The following DEFB125 variants were observed in gnomAD, a reference collection of about 807,000 sequenced individuals.
DEFB125 encodes defensin beta 125, also known as beta-defensin 125.
In DEFB125, 11 loss-of-function variants were observed where a neutral mutation model predicts 11.8. The ratio of observed to expected loss-of-function variants is 0.94; its 90% CI spans 0.59 to 1.55. The LOEUF (loss-of-function observed/expected upper bound fraction) is 1.55, where lower values mean the gene tolerates loss of function less well. Ranked by LOEUF, DEFB125 falls within the 40% of genes most tolerant of loss-of-function variation. DEFB125 has a pLI of 0.00. For missense variants in DEFB125, 198 were observed against 191.2 expected, an observed-to-expected ratio of 1.04 and a Z score of -0.21; for synonymous variants, 79 against 66.7, an observed-to-expected ratio of 1.18 and a Z score of -0.90.
At chr20:92,887 G>T (rs2054501528) in intron 1 of DEFB125, among the ~76,000 whole-genome samples, 4 of 151,666 alleles carry the variant, frequency 2.6e-5, no homozygotes, top group African/African-American at 7.3e-5. Context: ...TCCATCTAAA[G>T]ATCAGTCTGC....
chr20:88,380 G>A (rs2054483959), intron 1 of DEFB125, among the ~76,000 whole-genome samples: 1 of 152,084 alleles, frequency 6.6e-6, no homozygotes, highest in African/African-American at 2.4e-5. Context: ...ATTTAATAAT[G>A]CTACTTTTGA....
intron 1 of DEFB125, among the ~76,000 whole-genome samples, chr20:88,963 C>T (rs1352202879): frequency 6.6e-6 from 1 of 152,048 alleles, no homozygotes; most frequent in East Asian, 1.9e-4. Context: ...GTGTCAGCTT[C>T]CCACACCCTC....
intron 1 of DEFB125, 33 bp downstream of exon 1, chr20:87,800 T>C: frequency 6.2e-7 from 1 of 1,609,102 alleles, no homozygotes; most frequent in African/African-American, 1.3e-5. Context: ...AGATGATGAC[T>C]AGGATGAGTT....
intron 1 of DEFB125, among the ~76,000 whole-genome samples, chr20:90,409 A>AG: frequency 6.6e-6 from 1 of 152,302 alleles, no homozygotes; most frequent in Non-Finnish European, 1.5e-5. Context: ...ATCTGCCTGC[A>AG]AATTATATCC....
intron 1 of DEFB125, among the ~76,000 whole-genome samples, chr20:88,008 G>T (rs956046408): frequency 6.6e-6 from 1 of 152,128 alleles, no homozygotes. Context: ...TTTCCTTAAT[G>T]CTCTGAGCCA....
At chr20:91,149 ATTTGTT>A (rs2054494725) in intron 1 of DEFB125, among the ~76,000 whole-genome samples, 1 of 152,040 alleles carries the variant, frequency 6.6e-6, no homozygotes, top group South Asian at 2.1e-4. Flanking sequence ...AAATCAGATT[ATTTGTT>A]TTTGTTTGCT....
Position 96,647 on chromosome 20 carries a change from A to T in DEFB125, c.*230A>T. ...ACAAGGATTCTCTTAATTGGACTTA[A>T]ATTCTTTATCTGTCTTCCTCCGATG... On this transcript the variant is annotated 3_prime_UTR_variant, in exon 2 of 2. Transcript: ENST00000382410. 6.1e-6 allele frequency: 3 copies of T among 495,166 alleles called. No individual in the cohort carries two copies. The highest frequency in any genetic ancestry group is 4.5e-5 in the South Asian group (1 of 22,114). 30.7% of individuals were successfully genotyped at this position (495,166 alleles called of 1,614,324 possible).
At chr20:87,788 A>G in intron 1 of DEFB125, 21 bp downstream of exon 1, 1 of 1,612,020 alleles carries the variant, frequency 6.2e-7, no homozygotes, top group Non-Finnish European at 8.5e-7. Context: ...CCTATAAAGC[A>G]GAGATGATGA....
At chr20:88,234 A>T (rs2054483313) in intron 1 of DEFB125, among the ~76,000 whole-genome samples, 2 of 152,148 alleles carry the variant, frequency 1.3e-5, no homozygotes, top group Non-Finnish European at 2.9e-5. Flanking sequence ...TAGATTCTGT[A>T]GCACTATCAT....
At position 96,336 on chromosome 20, in the gene DEFB125, C is replaced by G. The variant is rs200259658; in HGVS notation, c.390C>G (p.Pro130=). 4 of 1,613,282 alleles carry G rather than the reference C, an allele frequency of 2.5e-6. No homozygotes were observed. The highest frequency in any genetic ancestry group is 2.2e-5 in the East Asian group (1 of 44,874). ...TTMPPSEATT[P]ETTMPPSETA... ...TGCCACCATCTGAGGCCACTACTCC[C>G]GAGACTACTATGCCACCATCTGAGA... The change falls in exon 2 of 2, where the codon CCC becomes CCG. Residue 130 remains proline, a synonymous_variant. Transcript: ENST00000382410.
intron 1 of DEFB125, among the ~76,000 whole-genome samples, chr20:90,888 T>C (rs994766806): frequency 6.6e-6 from 1 of 152,230 alleles, no homozygotes; most frequent in African/African-American, 2.4e-5. Flanking sequence ...TGTTTAATCA[T>C]CACCTTGTTA....
rs1398918767 is a variant in DEFB125 at position 96,117 on chromosome 20, T to C, written c.171T>C (p.Ile57=). The change falls in exon 2 of 2, where the codon ATT becomes ATC. Residue 57 remains isoleucine, a synonymous_variant. Coordinates refer to ENST00000382410, the MANE Select transcript of DEFB125 (RefSeq NM_153325.4). ...GTAGGAACAAGCTATCATGCTGCAT[T>C]TCTATAATATCACATGAATATACTC... ...LLCRNKLSCC[I]SIISHEYTRR... 8 of 1,614,076 alleles carry C rather than the reference T, an allele frequency of 5.0e-6. No individual in the cohort carries two copies. In the Admixed American group the frequency reaches 8.3e-5, roughly 17 times the overall value.
At chr20:91,978 G>T (rs2054497668) in intron 1 of DEFB125, among the ~76,000 whole-genome samples, 1 of 152,128 alleles carries the variant, frequency 6.6e-6, no homozygotes, top group Non-Finnish European at 1.5e-5. Context: ...AGTGAAGGTA[G>T]AATAAATAAT....
Position 96,410 on chromosome 20 carries a change from A to C in DEFB125, c.464A>C (p.His155Pro). 1 of 1,606,542 alleles carries C rather than the reference A, an allele frequency of 6.2e-7. No homozygotes were observed. The highest frequency in any genetic ancestry group is 2.2e-5 in the East Asian group (1 of 44,826). ...CCACCTTCTCAGACAGCTCTTACTCATAATTAATTAACATTTACTTCTGGT... is the reference window on the plus strand; with the variant it reads ...CCACCTTCTCAGACAGCTCTTACTCCTAATTAATTAACATTTACTTCTGGT... ...MPPPSQTALT[H>P]N Residue 155 changes from histidine to proline, a missense_variant, in exon 2 of 2, where the codon CAT becomes CCT. By Grantham distance (77) the His-to-Pro change is moderately conservative. Transcript: ENST00000382410.
intron 1 of DEFB125, among the ~76,000 whole-genome samples, chr20:88,896 T>TCACA (rs2054486705): frequency 1.7e-5 from 2 of 115,152 alleles, no homozygotes; most frequent in Non-Finnish European, 3.9e-5. Flanking sequence ...ACACACACAG[T>TCACA]CAAACCACCT....
intron 1 of DEFB125, among the ~76,000 whole-genome samples, chr20:93,566 T>C (rs1327484960): frequency 6.6e-6 from 1 of 152,162 alleles, no homozygotes; most frequent in Non-Finnish European, 1.5e-5. Flanking sequence ...CCTGCCTTCA[T>C]CATTTTTTTT....
At position 92,390 on chromosome 20, in the gene DEFB125, TC is replaced by T. The variant is rs1475077260; in HGVS notation, c.59-3613del. ...CTGCATTTCTCTTGTAAATGAACCT[TC>T]CTTCTTTTTTTTTTTTTTTTGAGAC... On this transcript the variant is annotated intron_variant, in intron 1 of 1. Transcript: ENST00000382410. Among the ~76,000 whole-genome samples, 1,087 of 147,594 alleles carry T rather than the reference TC, an allele frequency of 7.4e-3. 15 individuals carry two copies. The highest frequency in any genetic ancestry group is 0.027 in the African/African-American group (1,027 of 38,154).
chr20:96,557 C>A lies in DEFB125; in HGVS notation c.*140C>A. 2 of 991,520 alleles carry A rather than the reference C, an allele frequency of 2.0e-6. No homozygotes were observed. The highest frequency in any genetic ancestry group is 1.7e-5 in the South Asian group (1 of 60,072). 61.4% of individuals were successfully genotyped at this position (991,520 alleles called of 1,614,324 possible). ...ATGGGGATGGACATAATTGCTACTA[C>A]CAACACAACAGCCAAGAGAGTTGCC... On this transcript the variant is annotated 3_prime_UTR_variant, in exon 2 of 2. Transcript: ENST00000382410.
intron 1 of DEFB125, among the ~76,000 whole-genome samples, chr20:88,436 T>C (rs1484372659): frequency 6.6e-6 from 1 of 152,208 alleles, no homozygotes; most frequent in African/African-American, 2.4e-5. Flanking sequence ...AATTGACTTA[T>C]GTATCAAGCA....
Sources: allele counts gnomAD v4.1 joint callset (sites outside exome capture counted in the v4.1 genomes callset), GRCh38; gene constraint gnomAD v4.1.1; transcripts MANE v1.5; gene names NCBI Gene and HGNC (gene_info 2026-07-23, HGNC 2026-07-21).